Variants in ECT2L observed in about 807,000 individuals in gnomAD.
ECT2L encodes epithelial cell-transforming sequence 2 oncogene-like.
In ECT2L, 126 loss-of-function variants were observed where a neutral mutation model predicts 122.8. That is an observed-to-expected ratio of 1.03 (90% CI 0.89 to 1.19). ECT2L has a LOEUF of 1.19. ECT2L is among the 50% of genes most tolerant of loss of function. ECT2L has a pLI of 0.00. For missense variants in ECT2L, 1,012 were observed against 1,064.1 expected, an observed-to-expected ratio of 0.95 and a Z score of 0.68; for synonymous variants, 385 against 381.8, an observed-to-expected ratio of 1.01 and a Z score of -0.10.
At chr6:138,809,405 G>A (rs1452067357) in intron 1 of ECT2L, among the ~76,000 whole-genome samples, 1 of 152,158 alleles carries the variant, frequency 6.6e-6, no homozygotes. Context: ...GGTTGAGGCT[G>A]CAATGAGCTA....
intron 20 of ECT2L, among the ~76,000 whole-genome samples, chr6:138,900,217 C>G (rs1779352722): frequency 6.6e-6 from 1 of 151,988 alleles, no homozygotes; most frequent in Non-Finnish European, 1.5e-5. Flanking sequence ...CACATCAGTT[C>G]TTATTCTTGT....
chr6:138,837,810 C>T (rs1776893141), intron 4 of ECT2L, among the ~76,000 whole-genome samples: 3 of 151,942 alleles, frequency 2.0e-5, no homozygotes, highest in Admixed American at 2.0e-4. Flanking sequence ...TCACATCAAA[C>T]TAGGTTTACT....
intron 4 of ECT2L, among the ~76,000 whole-genome samples, chr6:138,832,602 CA>C (rs2128384404): frequency 1.3e-5 from 2 of 152,204 alleles, no homozygotes; most frequent in Admixed American, 1.3e-4. Context: ...TTTAGCAGCC[CA>C]GGAGAAGGTG....
rs1778844255 is a variant in ECT2L at position 138,886,923 on chromosome 6, G to GT, written c.2325+2dup. On this transcript the variant is annotated splice_donor_variant, in intron 19 of 21. Coordinates refer to ENST00000541398, the MANE Select transcript of ECT2L (RefSeq NM_001077706.3). LOFTEE classifies it high-confidence loss of function. ...ACAGAGAATCATCTGGGGATGCCCT[G>GT]TATGTATTCTTAGGAACTTGCTGTA... is the stretch of plus-strand genomic sequence containing the variant. The GT allele has an allele frequency of 6.2e-7, 1 of 1,611,264 alleles. No individual in the cohort carries two copies. The highest frequency in any genetic ancestry group is 1.3e-5 in the African/African-American group (1 of 74,986).
intron 4 of ECT2L, among the ~76,000 whole-genome samples, chr6:138,832,416 T>A (rs1310661732): frequency 1.2e-4 from 18 of 152,282 alleles, no homozygotes. Flanking sequence ...TGGAGGCACA[T>A]GGGATGGTTC....
At chr6:138,885,857 C>A in intron 18 of ECT2L, 27 bp downstream of exon 18, 1 of 1,600,298 alleles carries the variant, frequency 6.2e-7, no homozygotes, top group Middle Eastern at 1.7e-4. Flanking sequence ...AATCTGTGTC[C>A]TTTAAACATG....
intron 4 of ECT2L, among the ~76,000 whole-genome samples, chr6:138,827,920 C>T (rs1430663766): frequency 7.0e-6 from 1 of 143,786 alleles, no homozygotes; most frequent in Non-Finnish European, 1.5e-5. Flanking sequence ...TATTCCAGGA[C>T]ATAACTTTTT....
chr6:138,847,392 A>T (rs9376378), intron 8 of ECT2L, among the ~76,000 whole-genome samples: 47,183 of 78,496 alleles, frequency 0.6, 13,256 homozygotes, highest in Middle Eastern at 0.72. Context: ...TTTTTTTGAG[A>T]TGGAGTCTCA....
intron 21 of ECT2L, 122 bp downstream of exon 21, chr6:138,901,242 C>T (rs117124187): frequency 8.0e-5 from 79 of 990,632 alleles, no homozygotes; most frequent in Non-Finnish European, 1.1e-4. Context: ...AACAATTCCC[C>T]CAATATTAGA....
In ECT2L at chr6:138,862,637, TGAA is replaced by T; in HGVS notation, c.1211_1213del (p.Glu404del). On this transcript the variant is annotated inframe_deletion, in exon 11 of 22. Transcript: ENST00000541398. The stretch of plus-strand genomic sequence containing the variant: ...TTTTTGACTATGCAGAGGCAGGAAT[TGAA>T]GTTCTTTCCCAGCTGTCTCAACTAA... 1 of 1,614,106 alleles carries T rather than the reference TGAA, an allele frequency of 6.2e-7. No individual in the cohort carries two copies. Among genetic ancestry groups the T allele is most frequent in the Non-Finnish European group, 8.5e-7 (1 of 1,179,942 alleles).
chr6:138,846,662 G>A lies in ECT2L; in HGVS notation c.888G>A (p.Arg296=), dbSNP rs747223378. The change falls in exon 8 of 22, where the codon CGG becomes CGA. Residue 296 remains arginine, a synonymous_variant. Coordinates refer to ENST00000541398, the MANE Select transcript of ECT2L (RefSeq NM_001077706.3). ...CACACTTCATGTTAATATCATCCCGGATTCCTGCGTATGAGGTAGAGTATG... is the reference window on the plus strand; with the variant it reads ...CACACTTCATGTTAATATCATCCCGAATTCCTGCGTATGAGGTAGAGTATG... The part of the protein sequence containing the change: ...LRPHFMLISS[R]IPAYEMVMES... 1 of 1,601,934 alleles carries A rather than the reference G, an allele frequency of 6.2e-7. No homozygotes were observed. The highest frequency in any genetic ancestry group is 1.1e-5 in the South Asian group (1 of 88,472).
intron 12 of ECT2L, among the ~76,000 whole-genome samples, chr6:138,866,442 G>A (rs1166810599): frequency 1.3e-5 from 2 of 152,108 alleles, no homozygotes; most frequent in Non-Finnish European, 2.9e-5. Context: ...GTAGAGATGG[G>A]ATTTCACCAT....
intron 20 of ECT2L, among the ~76,000 whole-genome samples, chr6:138,893,087 A>AGGC (rs2128412484): frequency 6.6e-6 from 1 of 152,044 alleles, no homozygotes; most frequent in African/African-American, 2.4e-5. Flanking sequence ...AAGATGTCAG[A>AGGC]GGAGAAACAT....
rs895669727 is a variant in ECT2L at position 138,849,213 on chromosome 6, A to G, written c.904-56A>G. On this transcript the variant is annotated intron_variant, in intron 8 of 21. Coordinates refer to ENST00000541398, the MANE Select transcript of ECT2L (RefSeq NM_001077706.3). The stretch of plus-strand genomic sequence containing the variant: ...TGTATCCGTTCTATTTCTTTCATTA[A>G]TAAATATTCTAAAATAGTGGGTCTT... The G allele has an allele frequency of 8.5e-6, 12 of 1,418,444 alleles. No individual in the cohort carries two copies. The African/African-American group carries it at 1.8e-4, about 21-fold the overall frequency. 87.9% of individuals were successfully genotyped at this position (1,418,444 alleles called of 1,614,324 possible). A position where few individuals can be genotyped will look rare whatever the true frequency, so the allele number is the denominator to read the frequency against.
chr6:138,816,058 A>G (rs1024847331), intron 4 of ECT2L, among the ~76,000 whole-genome samples: 1 of 152,234 alleles, frequency 6.6e-6, no homozygotes, highest in African/African-American at 2.4e-5. Context: ...CCCTTCAGTC[A>G]ATGTTGAAAA....
intron 4 of ECT2L, chr6:138,822,793 A>G (rs1776311508): frequency 1.9e-6 from 3 of 1,607,474 alleles, no homozygotes; most frequent in Admixed American, 1.7e-5. Flanking sequence ...TATGAGGAAA[A>G]TGAAATGAAT....
At chr6:138,807,262 C>A (rs1775744162) in intron 1 of ECT2L, among the ~76,000 whole-genome samples, 1 of 152,160 alleles carries the variant, frequency 6.6e-6, no homozygotes, top group Non-Finnish European at 1.5e-5. Context: ...GCATGAGCCA[C>A]TGCACCCAGC....
At chr6:138,873,898 G>GTGTGTGTGTGTGTGTGTGTA (rs1322374875) in intron 13 of ECT2L, among the ~76,000 whole-genome samples, 165 of 150,212 alleles carry the variant, frequency 1.1e-3, no homozygotes, top group African/African-American at 3.9e-3. Context: ...GTGTGTGTGT[G>GTGTGTGTGTGTGTGTGTGTA]TGTGTGTGTG....
chr6:138,797,819 T>C (rs1453313014), intron 1 of ECT2L, among the ~76,000 whole-genome samples: 1 of 152,110 alleles, frequency 6.6e-6, no homozygotes, highest in Non-Finnish European at 1.5e-5. Flanking sequence ...CTGGAGTTAG[T>C]GTCAGATCCC....
Sources: gnomAD v4.1 joint callset for allele counts (sites outside exome capture counted in the v4.1 genomes callset) on GRCh38, gnomAD v4.1.1 for gene constraint, MANE v1.5 for transcripts, NCBI Gene and HGNC (gene_info 2026-07-23, HGNC 2026-07-21) for gene names.